The following PLCE1 variants were observed in gnomAD, a reference collection of about 807,000 sequenced individuals.
PLCE1 encodes 1-phosphatidylinositol 4,5-bisphosphate phosphodiesterase epsilon-1.
A neutral mutation model predicts 242.8 loss-of-function variants in PLCE1; 119 were observed. The ratio of observed to expected loss-of-function variants is 0.49; its 90% confidence interval spans 0.42 to 0.57. The LOEUF is 0.57. Among genes scored for constraint, PLCE1 ranks in the 20% least tolerant of loss-of-function variants. PLCE1 has a pLI of 0.00. For missense variants in PLCE1, 2,441 were observed against 2,788.8 expected, an observed-to-expected ratio of 0.88 and a Z score of 2.81; for synonymous variants, 945 against 1,017.4, an observed-to-expected ratio of 0.93 and a Z score of 1.35.
intron 2 of PLCE1, among the ~76,000 whole-genome samples, chr10:94,067,953 T>G (rs943537309): frequency 2.0e-5 from 3 of 152,110 alleles, no homozygotes; most frequent in Non-Finnish European, 4.4e-5. Flanking sequence ...ATAGCATGGT[T>G]TCTAACCAGC....
At position 94,162,263 on chromosome 10, in the gene PLCE1, T is replaced by A. The variant is rs1312035540; in HGVS notation, c.1493-8917T>A. On this transcript the variant is annotated intron_variant, in intron 3 of 32. Transcript: ENST00000371380. ...CTCCTCCTTGTACCTCTGGTAGAAT[T>A]TGGCTGTGAATCCATCTGGTCCTGG... is the stretch of plus-strand genomic sequence containing the variant. 2.0e-5 allele frequency among the ~76,000 whole-genome samples: 3 copies of A among 152,360 alleles called. No individual in the cohort carries two copies. In the East Asian group the frequency reaches 5.8e-4, roughly 29 times the overall value.
intron 2 of PLCE1, among the ~76,000 whole-genome samples, chr10:94,121,623 C>A (rs912815119): frequency 3.3e-5 from 5 of 152,146 alleles, no homozygotes; most frequent in Admixed American, 3.3e-4. Context: ...TGTTATATCT[C>A]CATTAAAGAA....
chr10:94,037,606 C>T lies in PLCE1; in HGVS notation c.1206+5354C>T, dbSNP rs145077110. Among the ~76,000 whole-genome samples, 987 of 152,262 alleles carry T rather than the reference C, an allele frequency of 6.5e-3. 15 individuals carry two copies. Among genetic ancestry groups the T allele is most frequent in the African/African-American group, 0.022 (926 of 41,544 alleles). ...CATGGGTATAGGATGATGCTGGCCC[C>T]TTCCTGCTGGGCACAGTGAAAGGGA... is the stretch of plus-strand genomic sequence containing the variant. On this transcript the variant is annotated intron_variant, in intron 2 of 32. Transcript: ENST00000371380.
chr10:94,182,789 A>C (rs561951146), intron 4 of PLCE1, among the ~76,000 whole-genome samples: 13 of 152,320 alleles, frequency 8.5e-5, no homozygotes, highest in Admixed American at 8.5e-4. Flanking sequence ...TAACTGGCCC[A>C]GAAAGTTAAC....
At chr10:94,082,464 C>T (rs1479746628) in intron 2 of PLCE1, among the ~76,000 whole-genome samples, 1 of 152,056 alleles carries the variant, frequency 6.6e-6, no homozygotes, top group East Asian at 1.9e-4. Context: ...GTGCTTTGGT[C>T]CCCAGGGAGG....
At chr10:94,120,090 T>G (rs1228852841) in intron 2 of PLCE1, among the ~76,000 whole-genome samples, 1 of 152,124 alleles carries the variant, frequency 6.6e-6, no homozygotes, top group Non-Finnish European at 1.5e-5. Flanking sequence ...TTTTCCCCAC[T>G]AGGCTGGGCT....
chr10:94,155,165 A>C (rs952859453), intron 3 of PLCE1, among the ~76,000 whole-genome samples: 1 of 152,098 alleles, frequency 6.6e-6, no homozygotes, highest in African/African-American at 2.4e-5. Context: ...ACATACATTC[A>C]CACAAAAATT....
chr10:94,085,197 A>AT (rs1474098310), intron 2 of PLCE1, among the ~76,000 whole-genome samples: 21 of 152,080 alleles, frequency 1.4e-4, no homozygotes, highest in Non-Finnish European at 2.4e-4. Context: ...GACAGGCAGG[A>AT]TTTGGGGGGA....
At chr10:94,124,093 T>C (rs1249788020) in intron 2 of PLCE1, among the ~76,000 whole-genome samples, 1 of 152,056 alleles carries the variant, frequency 6.6e-6, no homozygotes, top group East Asian at 1.9e-4. Flanking sequence ...CATCTGCCAC[T>C]GAAGAAGGGG....
rs1410521926 is a variant in PLCE1, at chr10:94,321,920, T to C, written c.6362T>C (p.Ile2121Thr). The C allele has an allele frequency of 1.3e-5, 21 of 1,613,408 alleles. No individual in the cohort carries two copies. The highest frequency in any genetic ancestry group is 1.7e-5 in the Non-Finnish European group (20 of 1,179,476). ...ACATAGAACCTAGAAGAGAAAAACA[T>C]TGTTCAAGATGACAAAGAGGTGATC... ...TQQENLEEKNIVQDDKEVILS... is the reference protein window; with the variant it reads ...TQQENLEEKNTVQDDKEVILS... The change falls in exon 30 of 33, where the codon ATT (isoleucine) becomes ACT (threonine). Residue 2121 changes from isoleucine (I) to threonine (T), a missense_variant. Physicochemically the swap from Ile to Thr is moderately conservative, Grantham distance 89. This residue lies in a region of PLCE1 where 310 missense variants were observed against 317.2 expected (regional missense o/e 0.98). Coordinates refer to ENST00000371380, the MANE Select transcript of PLCE1 (RefSeq NM_016341.4).
chr10:94,099,081 A>G (rs1019212049), intron 2 of PLCE1, among the ~76,000 whole-genome samples: 5 of 152,258 alleles, frequency 3.3e-5, no homozygotes, highest in African/African-American at 1.2e-4. Context: ...AGATTAACAT[A>G]GGCAGCTCAG....
intron 23 of PLCE1, among the ~76,000 whole-genome samples, chr10:94,296,691 G>T (rs1589496819): frequency 1.3e-5 from 2 of 152,246 alleles, no homozygotes; most frequent in South Asian, 4.2e-4. Context: ...CAGTAATAAG[G>T]CTGTTTGGCT....
At chr10:94,169,431 G>A (rs1262970688) in intron 3 of PLCE1, among the ~76,000 whole-genome samples, 1 of 152,202 alleles carries the variant, frequency 6.6e-6, no homozygotes, top group Non-Finnish European at 1.5e-5. Flanking sequence ...AGCAAGTTCT[G>A]GAGGAGACAA....
chr10:94,176,067 G>A (rs534029727), intron 4 of PLCE1, among the ~76,000 whole-genome samples: 35 of 152,150 alleles, frequency 2.3e-4, no homozygotes, highest in African/African-American at 8.0e-4. Context: ...TCTTTCTTTG[G>A]GGTATATACC....
intron 2 of PLCE1, among the ~76,000 whole-genome samples, chr10:94,103,697 G>A (rs1184756538): frequency 6.6e-6 from 1 of 152,170 alleles, no homozygotes; most frequent in Non-Finnish European, 1.5e-5. Context: ...TAAGTGTTGA[G>A]CTAAAATGAA....
chr10:94,031,378 G>C lies in PLCE1; in HGVS notation c.332G>C (p.Arg111Thr), dbSNP rs774981225. The C allele has an allele frequency of 6.2e-7, 1 of 1,613,906 alleles. No individual in the cohort carries two copies. Among genetic ancestry groups the C allele is most frequent in the Admixed American group, 1.7e-5 (1 of 59,982 alleles). Residue 111 changes from arginine to threonine, a missense_variant, in exon 2 of 33, where the codon AGA (arginine) becomes ACA (threonine). Physicochemically the swap from Arg to Thr is moderately conservative, Grantham distance 71 (BLOSUM62 -1). This residue lies in a region of PLCE1 where 393 missense variants were observed against 378.5 expected (regional missense o/e 1.04). Coordinates refer to ENST00000371380, the MANE Select transcript of PLCE1 (RefSeq NM_016341.4). ...AACATTAACTGCAACAACATATTGA[G>C]AAACCATCAGCATGGCCTTCCTCAG... ...NLNINCNNILRNHQHGLPQRQ... is the reference protein window; with the variant it reads ...NLNINCNNILTNHQHGLPQRQ...
At chr10:94,274,843 T>C (rs2051885094) in intron 19 of PLCE1, among the ~76,000 whole-genome samples, 1 of 152,130 alleles carries the variant, frequency 6.6e-6, no homozygotes, top group Non-Finnish European at 1.5e-5. Flanking sequence ...CCATGGCACC[T>C]ATGCTGATGG....
intron 27 of PLCE1, among the ~76,000 whole-genome samples, chr10:94,311,248 G>A (rs2053378712): frequency 6.6e-6 from 1 of 152,172 alleles, no homozygotes; most frequent in Non-Finnish European, 1.5e-5. Flanking sequence ...GGCCACTGGT[G>A]ATCAGTTCAG....
Position 94,222,898 on chromosome 10 carries a change from G to A in PLCE1, c.1810-4408G>A, listed in dbSNP as rs137933765. ...TGTTTGGACAGGGAATTTGGGAAGCGTGGGTTTACAAGGGATAAATTATCT... is the reference window on the plus strand; with the variant it reads ...TGTTTGGACAGGGAATTTGGGAAGCATGGGTTTACAAGGGATAAATTATCT... On this transcript the variant is annotated intron_variant, in intron 4 of 32. Coordinates refer to ENST00000371380, the MANE Select transcript of PLCE1 (RefSeq NM_016341.4). Among the ~76,000 whole-genome samples, 97 of 152,300 alleles carry A rather than the reference G, an allele frequency of 6.4e-4. 2 individuals are homozygous for A. The East Asian group carries it at 0.015, about 24-fold the overall frequency.
Sources: allele counts gnomAD v4.1 joint callset (sites outside exome capture counted in the v4.1 genomes callset), GRCh38; gene constraint gnomAD v4.1.1; regional missense constraint gnomAD v4.1.1; transcripts MANE v1.5; gene names NCBI Gene and HGNC (gene_info 2026-07-23, HGNC 2026-07-21).